C3orf38: variants seen among roughly 807,000 people sequenced by gnomAD.
C3orf38 encodes uncharacterized protein C3orf38.
In C3orf38, 18 loss-of-function variants were observed where a neutral mutation model predicts 28.3. That is an observed-to-expected ratio of 0.64 (90% CI 0.44 to 0.94). The LOEUF (loss-of-function observed/expected upper bound fraction) is 0.94. C3orf38 is among the 40% of genes least tolerant of loss of function. The pLI is 0.00. For synonymous variants in C3orf38, 145 were observed against 138.1 expected (o/e 1.05, Z -0.35); for missense variants, 364 against 396.4 (o/e 0.92, Z 0.69).
At chr3:88,155,330 C>T (rs1353856179) in intron 2 of C3orf38, among the ~76,000 whole-genome samples, 1 of 151,904 alleles carries the variant, frequency 6.6e-6, no homozygotes, top group South Asian at 2.1e-4. Context: ...TTAAAGTGAA[C>T]GTTTTGAAGG....
rs35755541 is a variant in C3orf38, at chr3:88,155,476, T to TC, written c.376-544dup. ...GTTCATACTGATTTTTTTTTTTTTTTCACACGGAGTCTCGCTCTGTTGCGC... is the reference window on the plus strand; with the variant it reads ...GTTCATACTGATTTTTTTTTTTTTTTCCACACGGAGTCTCGCTCTGTTGCGC... On this transcript the variant is annotated intron_variant, in intron 2 of 2. Transcript: ENST00000318887. Among the ~76,000 whole-genome samples the TC allele has an allele frequency of 9.0e-4, 136 of 150,572 alleles. 3 individuals are homozygous for TC. The highest frequency in any genetic ancestry group is 1.3e-4 in the Non-Finnish European group (9 of 67,766).
At position 88,156,239 on chromosome 3, in the gene C3orf38, G is replaced by T; in HGVS notation, c.594G>T (p.Val198=). ...NVMDYHGAEI[V]SLRLLSLVKE... ...TGGACTACCATGGAGCAGAAATCGTGAGCCTTCGTTTGCTGTCACTAGTAA... is the reference window on the plus strand; with the variant it reads ...TGGACTACCATGGAGCAGAAATCGTTAGCCTTCGTTTGCTGTCACTAGTAA... The change falls in exon 3 of 3, where the codon GTG becomes GTT. Residue 198 remains valine (V), a synonymous_variant. Coordinates refer to ENST00000318887, the MANE Select transcript of C3orf38 (RefSeq NM_173824.4). 6.2e-7 allele frequency: 1 copy of T among 1,614,128 alleles called. No individual in the cohort carries two copies. Among genetic ancestry groups the T allele is most frequent in the Non-Finnish European group, 8.5e-7 (1 of 1,180,036 alleles).
chr3:88,153,115 C>T, intron 1 of C3orf38, 115 bp from the exon 2 acceptor site: 1 of 975,098 alleles, frequency 1.0e-6, no homozygotes. Context: ...TATCATGTAA[C>T]AGCAATAATG....
At chr3:88,150,911 C>CT (rs1318154432) in intron 1 of C3orf38, 3 of 152,096 alleles carry the variant, frequency 2.0e-5, no homozygotes, top group African/African-American at 7.2e-5. Flanking sequence ...GGTTTTTCTG[C>CT]TTAAGTCGGA....
rs115285273 is a variant in C3orf38 at position 88,153,379 on chromosome 3, G to A, written c.283G>A (p.Ala95Thr). ...ATEKHNLIQHAKDYWQKQPQL... is the reference protein window; with the variant it reads ...ATEKHNLIQHTKDYWQKQPQL... ...TGAAAAACACAATCTTATTCAGCAT[G>A]CAAAAGATTACTGGCAAAAGCAACC... Residue 95 changes from alanine to threonine, a missense_variant, in exon 2 of 3, where the codon GCA becomes ACA. Ala to Thr is a moderately conservative substitution (Grantham distance 58). Transcript: ENST00000318887. The A allele has an allele frequency of 6.2e-7, 1 of 1,613,998 alleles. No homozygotes were observed. Among genetic ancestry groups the A allele is most frequent in the Non-Finnish European group, 8.5e-7 (1 of 1,180,004 alleles).
intron 1 of C3orf38, among the ~76,000 whole-genome samples, chr3:88,152,586 C>T (rs868538270): frequency 6.6e-6 from 1 of 151,730 alleles, no homozygotes; most frequent in Non-Finnish European, 1.5e-5. Flanking sequence ...CACGGTGAAA[C>T]CCTGTCTGTA....
rs1707478665 is a variant in C3orf38, at chr3:88,156,294, C to G, written c.649C>G (p.Leu217Val). The G allele has an allele frequency of 6.2e-7, 1 of 1,614,080 alleles. No individual in the cohort carries two copies. Among genetic ancestry groups the G allele is most frequent in the Admixed American group, 1.7e-5 (1 of 60,002 alleles). The change falls in exon 3 of 3, where the codon CTA (leucine) becomes GTA (valine). Residue 217 changes from leucine to valine, a missense_variant. Coordinates refer to ENST00000318887, the MANE Select transcript of C3orf38 (RefSeq NM_173824.4). ...KEEFLFLSPN[L>V]DSHGLKCASS... is the part of the protein sequence containing the mutation. Reference sequence around the variant, plus strand: ...AGAATTTCTTTTTCTCAGCCCCAACCTAGATTCACATGGACTGAAATGTGC... The same window carrying G: ...AGAATTTCTTTTTCTCAGCCCCAACGTAGATTCACATGGACTGAAATGTGC...
chr3:88,149,972 C>G lies in C3orf38; in HGVS notation c.-81C>G. On this transcript the variant is annotated 5_prime_UTR_variant, in exon 1 of 3. Transcript: ENST00000318887. ...ACGGAGAACAACAAGAAAGGCACTT[C>G]CGGTGTCTGTTGCCAGGCGCGGGCC... The G allele has an allele frequency of 6.4e-7, 1 of 1,569,214 alleles. No homozygotes were observed. The highest frequency in any genetic ancestry group is 8.7e-7 in the Non-Finnish European group (1 of 1,143,596).
chr3:88,152,686 C>T (rs571575775), intron 1 of C3orf38, among the ~76,000 whole-genome samples: 1 of 146,696 alleles, frequency 6.8e-6, no homozygotes, highest in Non-Finnish European at 1.5e-5. Flanking sequence ...ACCTGGGAGG[C>T]GGAGCTTGCA....
At chr3:88,153,574 T>C (rs946942325) in intron 2 of C3orf38, 103 bp downstream of exon 2, 1 of 1,313,822 alleles carries the variant, frequency 7.6e-7, no homozygotes, top group African/African-American at 1.5e-5. Context: ...TTGTGGGGTT[T>C]TTTTATTTTT....
At position 88,156,460 on chromosome 3, in the gene C3orf38, A is replaced by T. The variant is rs754206128; in HGVS notation, c.815A>T (p.Asn272Ile). The change falls in exon 3 of 3, where the codon AAC becomes ATC. Residue 272 changes from asparagine to isoleucine, a missense_variant. By Grantham distance (149) the Asn-to-Ile change is moderately radical. Transcript: ENST00000318887. ...AATACTTGGAAAATCAAATTTATCA[A>T]CCTGAAAATTATGGGAGAGAGTTCC... The part of the protein sequence containing the change: ...VENTWKIKFI[N>I]LKIMGESSLA... The T allele has an allele frequency of 1.1e-5, 17 of 1,614,128 alleles. No homozygotes were observed. In the South Asian group the frequency reaches 1.8e-4, roughly 17 times the overall value.
At position 88,157,944 on chromosome 3, in the gene C3orf38, A is replaced by T. The variant is rs563741056; in HGVS notation, c.*1309A>T. 2.4e-4 allele frequency: 37 copies of T among 152,244 alleles called. No homozygotes were observed. The South Asian group carries it at 7.5e-3, about 31-fold the overall frequency. The allele number at this position is 152,244 out of a possible 1,614,324, so 9.4% of individuals were successfully genotyped here. ...AAAATAAGAACTTAATAAAGGAGGG[A>T]AATCCCTTTTGTCTGCTATAAGAAT... On this transcript the variant is annotated 3_prime_UTR_variant, in exon 3 of 3. Coordinates refer to ENST00000318887, the MANE Select transcript of C3orf38 (RefSeq NM_173824.4).
In C3orf38 at chr3:88,156,133, C is replaced by T; in HGVS notation, c.488C>T (p.Pro163Leu). The T allele has an allele frequency of 6.2e-7, 1 of 1,613,618 alleles. No individual in the cohort carries two copies. The highest frequency in any genetic ancestry group is 8.5e-7 in the Non-Finnish European group (1 of 1,179,850). ...TCTCAGAATCCTTTTCTAGGACCAC[C>T]TCAAGATGAATGGGGACCACAGCAC... is the stretch of plus-strand genomic sequence containing the variant. ...LNSQNPFLGP[P>L]QDEWGPQHFW... is the part of the protein sequence containing the mutation. Residue 163 changes from proline to leucine, a missense_variant, in exon 3 of 3, where the codon CCT (proline) becomes CTT (leucine). Physicochemically the swap from Pro to Leu is moderately conservative, Grantham distance 98 (BLOSUM62 -3). Coordinates refer to ENST00000318887, the MANE Select transcript of C3orf38 (RefSeq NM_173824.4).
chr3:88,156,713 C>T lies in C3orf38; in HGVS notation c.*78C>T. 6.9e-7 allele frequency: 1 copy of T among 1,443,274 alleles called. No individual in the cohort carries two copies. The allele number at this position is 1,443,274 out of a possible 1,614,324, so 89.4% of individuals were successfully genotyped here. ...CTCTAAAGCGCTAAGTACTGTCAGC[C>T]TGAAAAAAATCTTCTATACAGAAAC... On this transcript the variant is annotated 3_prime_UTR_variant, in exon 3 of 3. Transcript: ENST00000318887.
chr3:88,154,091 G>A (rs1487911496), intron 2 of C3orf38, among the ~76,000 whole-genome samples: 1 of 151,996 alleles, frequency 6.6e-6, no homozygotes, highest in Admixed American at 6.6e-5. Flanking sequence ...CTTTAGCTCC[G>A]TGTAATTTTT....
At chr3:88,151,659 A>AT (rs1196538865) in intron 1 of C3orf38, among the ~76,000 whole-genome samples, 2 of 152,176 alleles carry the variant, frequency 1.3e-5, no homozygotes, top group African/African-American at 4.8e-5. Context: ...AGCGTTTGTA[A>AT]TTGGACGCAG....
chr3:88,150,211 GGCTGCC>G (rs1707386569), intron 1 of C3orf38, 26 bp downstream of exon 1: 7 of 1,612,062 alleles, frequency 4.3e-6, no homozygotes, highest in Non-Finnish European at 5.9e-6. Flanking sequence ...TCACCTAGAA[GGCTGCC>G]GCCCCTTCCC....
At chr3:88,154,743 G>A (rs1263320931) in intron 2 of C3orf38, among the ~76,000 whole-genome samples, 1 of 152,138 alleles carries the variant, frequency 6.6e-6, no homozygotes, top group Non-Finnish European at 1.5e-5. Flanking sequence ...ACAGTGCCCA[G>A]TGTATTAAAT....
chr3:88,151,648 C>A (rs1707414982), intron 1 of C3orf38, among the ~76,000 whole-genome samples: 1 of 152,112 alleles, frequency 6.6e-6, no homozygotes, highest in South Asian at 2.1e-4. Flanking sequence ...TTCAAAGTAA[C>A]AGCGTTTGTA....
Sources: gnomAD v4.1 joint callset for allele counts (sites outside exome capture counted in the v4.1 genomes callset) on GRCh38, gnomAD v4.1.1 for gene constraint, MANE v1.5 for transcripts, NCBI Gene and HGNC (gene_info 2026-07-23, HGNC 2026-07-21) for gene names.